TM9SF4: variants seen among roughly 807,000 people sequenced by gnomAD.
The protein encoded by TM9SF4 is dinucleotide oxidase disulfide thiol exchanger 3 superfamily member 4.
A neutral mutation model predicts 90.4 loss-of-function variants in TM9SF4; 26 were observed. The ratio of observed to expected loss-of-function variants is 0.29; its 90% CI spans 0.21 to 0.40. The LOEUF (loss-of-function observed/expected upper bound fraction) is 0.40, where lower values mean the gene tolerates loss of function less well. Ranked by LOEUF, TM9SF4 falls within the 10% of genes least tolerant of loss-of-function variation. The probability of loss-of-function intolerance (pLI) is 1.00; values close to 1 mark genes in which losing one functional copy is unlikely to be tolerated. For synonymous variants in TM9SF4, 293 were observed against 315.4 expected (o/e 0.93, Z 0.75); for missense variants, 549 against 834.8 (o/e 0.66, Z 4.22).
chr20:32,146,929 T>C (rs1340097636), intron 9 of TM9SF4, 74 bp downstream of exon 9: 8 of 1,391,782 alleles, frequency 5.7e-6, no homozygotes, highest in Non-Finnish European at 8.0e-6. Context: ...CATATGTTTG[T>C]GTATATTATC....
intron 1 of TM9SF4, among the ~76,000 whole-genome samples, chr20:32,127,330 C>T (rs560452488): frequency 6.6e-6 from 1 of 152,302 alleles, no homozygotes; most frequent in Non-Finnish European, 1.5e-5. Flanking sequence ...AATTCATCTG[C>T]TTGAAAAGAG....
intron 6 of TM9SF4, among the ~76,000 whole-genome samples, chr20:32,143,605 A>C (rs112812185): frequency 1.3e-5 from 2 of 152,232 alleles, no homozygotes; most frequent in Non-Finnish European, 2.9e-5. Flanking sequence ...AGTCCAGCAC[A>C]GTCCTGATGG....
At chr20:32,143,478 G>T (rs1470520689) in intron 6 of TM9SF4, among the ~76,000 whole-genome samples, 3 of 152,176 alleles carry the variant, frequency 2.0e-5, no homozygotes, top group African/African-American at 7.2e-5. Context: ...TGAGAACAAG[G>T]GGCCAGGGTA....
intron 13 of TM9SF4, among the ~76,000 whole-genome samples, chr20:32,155,489 G>T (rs1009828372): frequency 2.6e-5 from 4 of 152,244 alleles, no homozygotes; most frequent in African/African-American, 9.6e-5. Flanking sequence ...TTAACCAAGA[G>T]TGAGCTGCCC....
intron 3 of TM9SF4, among the ~76,000 whole-genome samples, chr20:32,140,381 G>A (rs2046654607): frequency 6.6e-6 from 1 of 152,084 alleles, no homozygotes; most frequent in Non-Finnish European, 1.5e-5. Flanking sequence ...CTCAGGTGCT[G>A]GATTTCACCC....
rs371943437 is a variant in TM9SF4, at chr20:32,137,496, A to G, written c.229+1323A>G. ...ATAGAAATGGAGATTTCTGTATACA[A>G]ATGTTATCCTGCCATATTGCATCTC... On this transcript the variant is annotated intron_variant, in intron 3 of 17. Transcript: ENST00000398022. Among the ~76,000 whole-genome samples the G allele has an allele frequency of 8.2e-3, 1,247 of 152,204 alleles. 6 individuals are homozygous for G. Among genetic ancestry groups the G allele is most frequent in the African/African-American group, 9.2e-3 (382 of 41,524 alleles).
chr20:32,146,593 G>T (rs1261778079), intron 8 of TM9SF4, among the ~76,000 whole-genome samples, 192 bp from the exon 9 acceptor site: 6 of 151,946 alleles, frequency 3.9e-5, no homozygotes. Flanking sequence ...CATGCTCTGT[G>T]CTCTCCTCCC....
chr20:32,125,809 C>T (rs1429384215), intron 1 of TM9SF4, among the ~76,000 whole-genome samples: 4 of 150,456 alleles, frequency 2.7e-5, no homozygotes, highest in Admixed American at 1.3e-4. Flanking sequence ...GCTGGGGCTA[C>T]AGGCACGTGC....
chr20:32,142,613 G>A (rs2046697797), intron 5 of TM9SF4, among the ~76,000 whole-genome samples: 2 of 152,188 alleles, frequency 1.3e-5, no homozygotes, highest in Admixed American at 1.3e-4. Context: ...GGTGGGCCAT[G>A]AGAAGTTGGT....
intron 9 of TM9SF4, among the ~76,000 whole-genome samples, chr20:32,148,941 A>AT (rs1403435841): frequency 2.6e-5 from 4 of 152,144 alleles, no homozygotes; most frequent in African/African-American, 9.7e-5. Flanking sequence ...AAGTGCTGGG[A>AT]TTACAGGCGT....
intron 1 of TM9SF4, among the ~76,000 whole-genome samples, chr20:32,121,936 C>G (rs1459090873): frequency 2.1e-5 from 3 of 145,588 alleles, no homozygotes; most frequent in African/African-American, 7.6e-5. Flanking sequence ...GGGGCTGACC[C>G]CCCCCAGCTC....
In TM9SF4 at chr20:32,157,909, G is replaced by A. The variant is rs1186412779; in HGVS notation, c.1445G>A (p.Arg482His). 3.7e-6 allele frequency: 6 copies of A among 1,613,948 alleles called. No individual in the cohort carries two copies. The highest frequency in any genetic ancestry group is 3.3e-5 in the South Asian group (3 of 91,090). The change falls in exon 14 of 18, where the codon CGC becomes CAC. Residue 482 changes from arginine (R) to histidine (H), a missense_variant. By Grantham distance (29) the Arg-to-His change is conservative (BLOSUM62 0). Transcript: ENST00000398022. ...FRKQPYDNPV[R>H]TNQIPRQIPE... is the part of the protein sequence containing the mutation. ...AAGCAGCCATATGACAACCCTGTGC[G>A]CACCAACCAGATTCCCCGGCAGATC...
intron 9 of TM9SF4, among the ~76,000 whole-genome samples, chr20:32,148,663 C>CTTT (rs1234035990): frequency 1.6e-4 from 19 of 120,110 alleles, no homozygotes; most frequent in African/African-American, 3.9e-4. Flanking sequence ...AATATTACAG[C>CTTT]TTTTTTTTTT....
Position 32,159,950 on chromosome 20 carries a change from C to T in TM9SF4, c.1570-42C>T, listed in dbSNP as rs935266162. On this transcript the variant is annotated intron_variant, in intron 15 of 17. Transcript: ENST00000398022. The stretch of plus-strand genomic sequence containing the variant: ...GGTTGGTGTGCCAGGGGAAGGGGAG[C>T]AGGGTGGTCAAGCCAGCTGAAGCCC... 3.7e-6 allele frequency: 6 copies of T among 1,612,888 alleles called. No individual in the cohort carries two copies. In the African/African-American group the frequency reaches 8.0e-5, roughly 22 times the overall value.
chr20:32,151,373 G>A (rs990468518), intron 12 of TM9SF4, among the ~76,000 whole-genome samples: 13 of 152,024 alleles, frequency 8.6e-5, no homozygotes, highest in African/African-American at 1.5e-4. Context: ...GCAGAAAAGC[G>A]CGTAGCAACC....
chr20:32,163,647 T>C (rs888055624), intron 17 of TM9SF4, among the ~76,000 whole-genome samples: 1 of 146,578 alleles, frequency 6.8e-6, no homozygotes, highest in Non-Finnish European at 1.5e-5. Flanking sequence ...AGACTCGCTC[T>C]GTTGCCCAGG....
rs191186498 is a variant in TM9SF4 at position 32,141,555 on chromosome 20, C to T, written c.288C>T (p.Ser96=). The T allele has an allele frequency of 9.0e-5, 145 of 1,614,032 alleles. No homozygotes were observed. Among genetic ancestry groups the T allele is most frequent in the Non-Finnish European group, 1.1e-4 (135 of 1,180,022 alleles). ...CCCCTTTCCAGGTTCTCATGAACAGCGAGAAGAAGTGTGAAGTTCTGTGCA... is the reference window on the plus strand; with the variant it reads ...CCCCTTTCCAGGTTCTCATGAACAGTGAGAAGAAGTGTGAAGTTCTGTGCA... The part of the protein sequence containing the change: ...VNTPFQVLMN[S]EKKCEVLCSQ... The change falls in exon 4 of 18, where the codon AGC becomes AGT. Residue 96 remains serine, a synonymous_variant. Coordinates refer to ENST00000398022, the MANE Select transcript of TM9SF4 (RefSeq NM_014742.4).
At chr20:32,113,575 T>TA (rs1159957122) in intron 1 of TM9SF4, among the ~76,000 whole-genome samples, 1 of 145,716 alleles carries the variant, frequency 6.9e-6, no homozygotes, top group Non-Finnish European at 1.5e-5. Context: ...GTGTCAGGAG[T>TA]CTAGAAACTT....
intron 1 of TM9SF4, among the ~76,000 whole-genome samples, chr20:32,117,223 CAAAAA>C (rs34453961): frequency 1.5e-5 from 1 of 68,258 alleles, no homozygotes; most frequent in African/African-American, 5.8e-5. Context: ...GACTCTGTCT[CAAAAA>C]AAAAAAAAAA....
Sources: allele counts gnomAD v4.1 joint callset (sites outside exome capture counted in the v4.1 genomes callset), GRCh38; gene constraint gnomAD v4.1.1; transcripts MANE v1.5; gene names NCBI Gene and HGNC (gene_info 2026-07-23, HGNC 2026-07-21).